SUSD6: variants seen among roughly 807,000 people sequenced by gnomAD.
SUSD6 encodes the protein sushi domain-containing protein 6.
A neutral mutation model predicts 28.4 loss-of-function variants in SUSD6; 16 were observed. That is an observed-to-expected ratio of 0.56 (90% CI 0.38 to 0.86). SUSD6 has a LOEUF of 0.86. Ranked by LOEUF, SUSD6 falls within the 40% of genes least tolerant of loss-of-function variation. The probability of loss-of-function intolerance (pLI) is 0.00; values close to 1 mark genes in which losing one functional copy is unlikely to be tolerated. For synonymous variants in SUSD6, 147 were observed against 159.6 expected (o/e 0.92, Z 0.59); for missense variants, 341 against 384.2 (o/e 0.89, Z 0.94).
chr14:69,624,555 C>T (rs1242566951), intron 1 of SUSD6, among the ~76,000 whole-genome samples: 8 of 151,598 alleles, frequency 5.3e-5, no homozygotes, highest in Non-Finnish European at 8.8e-5. Flanking sequence ...CAGGTTCAAG[C>T]GATTCTCCTA....
chr14:69,695,498 C>G (rs1297969553), intron 2 of SUSD6, among the ~76,000 whole-genome samples: 1 of 152,210 alleles, frequency 6.6e-6, no homozygotes. Context: ...TGATCTGGTT[C>G]ATTGCCTTCA....
intron 4 of SUSD6, 79 bp downstream of exon 4, chr14:69,704,821 C>CT: frequency 6.7e-7 from 1 of 1,492,350 alleles, no homozygotes; most frequent in South Asian, 1.2e-5. Context: ...TGGAGGGTTG[C>CT]TGGTGGCCCC....
chr14:69,660,627 T>G (rs1885648574), intron 2 of SUSD6, among the ~76,000 whole-genome samples: 1 of 152,252 alleles, frequency 6.6e-6, no homozygotes, highest in Non-Finnish European at 1.5e-5. Flanking sequence ...CACTGTGTCT[T>G]TAGAGCAGAA....
rs1463659995 is a variant in SUSD6, at chr14:69,620,608, C to G, written c.-81+8780C>G. 2.6e-5 allele frequency among the ~76,000 whole-genome samples: 4 copies of G among 152,166 alleles called. No homozygotes were observed. In the South Asian group the frequency reaches 8.3e-4, roughly 32 times the overall value. On this transcript the variant is annotated intron_variant, in intron 1 of 5. Transcript: ENST00000342745. ...TTGATTGTTTGGGATTTGTCAGTTACTTCTGTGCTCCAAACCACAGTCATC... is the reference window on the plus strand; with the variant it reads ...TTGATTGTTTGGGATTTGTCAGTTAGTTCTGTGCTCCAAACCACAGTCATC...
chr14:69,706,087 G>C (rs1041268820), intron 4 of SUSD6, among the ~76,000 whole-genome samples: 1 of 152,210 alleles, frequency 6.6e-6, no homozygotes, highest in African/African-American at 2.4e-5. Flanking sequence ...TTTAATCTCT[G>C]TGTACTATGT....
intron 4 of SUSD6, among the ~76,000 whole-genome samples, chr14:69,705,585 G>C (rs553592914): frequency 1.3e-5 from 2 of 152,266 alleles, no homozygotes; most frequent in South Asian, 4.1e-4. Flanking sequence ...AGGCACCTGG[G>C]GGAGTTTAAA....
chr14:69,644,542 C>T (rs1035091102), intron 1 of SUSD6, among the ~76,000 whole-genome samples: 3 of 151,722 alleles, frequency 2.0e-5, no homozygotes, highest in African/African-American at 4.8e-5. Context: ...CCCAGCTACT[C>T]GGGAGGCTGA....
At chr14:69,642,134 T>A (rs574976728) in intron 1 of SUSD6, among the ~76,000 whole-genome samples, 1 of 152,354 alleles carries the variant, frequency 6.6e-6, no homozygotes, top group East Asian at 1.9e-4. Context: ...CCAATCATAG[T>A]TCTACCTTGC....
intron 1 of SUSD6, among the ~76,000 whole-genome samples, chr14:69,637,604 A>C (rs953121600): frequency 6.6e-6 from 1 of 152,128 alleles, no homozygotes; most frequent in Non-Finnish European, 1.5e-5. Context: ...AGTGTGTCTC[A>C]TTGTGGCAAA....
chr14:69,629,091 C>T (rs1885157528), intron 1 of SUSD6, among the ~76,000 whole-genome samples: 1 of 151,774 alleles, frequency 6.6e-6, no homozygotes, highest in Non-Finnish European at 1.5e-5. Flanking sequence ...AGGCAGAGAA[C>T]AAATGCCTGG....
chr14:69,650,385 G>T (rs781521345), intron 1 of SUSD6, among the ~76,000 whole-genome samples: 12 of 152,172 alleles, frequency 7.9e-5, no homozygotes, highest in Non-Finnish European at 1.5e-4. Context: ...GACGGCGACT[G>T]TACCTAGACC....
chr14:69,648,592 CAGA>C (rs1326689775), intron 1 of SUSD6, among the ~76,000 whole-genome samples: 1 of 152,102 alleles, frequency 6.6e-6, no homozygotes, highest in African/African-American at 2.4e-5. Context: ...GGGAATGTAG[CAGA>C]AGGCCTGAGA....
Position 69,639,956 on chromosome 14 carries a change from G to GTTTTT in SUSD6, c.-80-18538_-80-18534dup, listed in dbSNP as rs11463756. Among the ~76,000 whole-genome samples, 429 of 81,440 alleles carry GTTTTT rather than the reference G, an allele frequency of 5.3e-3. 3 individuals carry two copies. Among genetic ancestry groups the GTTTTT allele is most frequent in the Middle Eastern group, 0.012 (1 of 84 alleles). 53.4% of individuals were successfully genotyped at this position (81,440 alleles called of 152,430 possible). A position where few individuals can be genotyped will look rare whatever the true frequency, so the allele number is the denominator to read the frequency against. On this transcript the variant is annotated intron_variant, in intron 1 of 5. Coordinates refer to ENST00000342745, the MANE Select transcript of SUSD6 (RefSeq NM_014734.4). ...AGAGTCCCTCTGGGGCACCTACACT[G>GTTTTT]TTTTTTTTTTTTTTTTTTTTTTTGC... is the stretch of plus-strand genomic sequence containing the variant.
intron 1 of SUSD6, among the ~76,000 whole-genome samples, chr14:69,654,556 A>G (rs79365473): frequency 0.029 from 4,341 of 152,162 alleles, 80 homozygotes; most frequent in Middle Eastern, 0.068. Context: ...GGTTTTTGGG[A>G]TTTGTTTTAA....
intron 2 of SUSD6, among the ~76,000 whole-genome samples, chr14:69,661,885 G>A (rs1384114912): frequency 6.6e-6 from 1 of 152,066 alleles, no homozygotes; most frequent in Non-Finnish European, 1.5e-5. Flanking sequence ...CTGCAGCCTT[G>A]ACCTCCCAGG....
chr14:69,699,829 G>A (rs537051253), intron 2 of SUSD6, among the ~76,000 whole-genome samples: 19 of 151,968 alleles, frequency 1.3e-4, no homozygotes, highest in African/African-American at 4.6e-4. Context: ...CACAGAGAGG[G>A]GTCCCAGAGA....
chr14:69,644,153 A>G lies in SUSD6; in HGVS notation c.-80-14360A>G, dbSNP rs924431804. ...AGGGCGTATGCTTCCTTTACCTCTCAAGGAATCTCGTACATGTAGGTGCCC... is the reference window on the plus strand; with the variant it reads ...AGGGCGTATGCTTCCTTTACCTCTCGAGGAATCTCGTACATGTAGGTGCCC... On this transcript the variant is annotated intron_variant, in intron 1 of 5. Transcript: ENST00000342745. Among the ~76,000 whole-genome samples the G allele has an allele frequency of 7.9e-5, 12 of 152,140 alleles. 1 individual carries two copies. Among genetic ancestry groups the G allele is most frequent in the Admixed American group, 7.9e-4 (12 of 15,266 alleles).
chr14:69,675,520 A>G (rs1885894539), intron 2 of SUSD6, among the ~76,000 whole-genome samples: 1 of 144,530 alleles, frequency 6.9e-6, no homozygotes, highest in Non-Finnish European at 1.5e-5. Flanking sequence ...CTGTTTTTAT[A>G]GTTGCAACTT....
chr14:69,654,381 C>G (rs952113599), intron 1 of SUSD6, among the ~76,000 whole-genome samples: 4 of 152,152 alleles, frequency 2.6e-5, no homozygotes, highest in Non-Finnish European at 5.9e-5. Flanking sequence ...GACAGATAAA[C>G]AAATAGATAC....
Sources: gnomAD v4.1 joint callset for allele counts (sites outside exome capture counted in the v4.1 genomes callset) on GRCh38, gnomAD v4.1.1 for gene constraint, MANE v1.5 for transcripts, NCBI Gene and HGNC (gene_info 2026-07-23, HGNC 2026-07-21) for gene names.